Variants in ANKRD30B observed in about 807,000 individuals in gnomAD.
The protein encoded by ANKRD30B is ankyrin repeat domain 30B.
ANKRD30B carries 144 observed loss-of-function variants against 202.2 expected under a neutral mutation model. The ratio of observed to expected loss-of-function variants is 0.71; its 90% CI spans 0.62 to 0.82. The LOEUF is 0.82. ANKRD30B is among the 40% of genes least tolerant of loss of function. The probability of loss-of-function intolerance (pLI) is 0.00; values close to 1 mark genes in which losing one functional copy is unlikely to be tolerated. For synonymous variants in ANKRD30B, 508 were observed against 561.3 expected, an observed-to-expected ratio of 0.91 and a Z score of 1.34; for missense variants, 1,487 against 1,669.1, an observed-to-expected ratio of 0.89 and a Z score of 1.90.
chr18:14,818,692 C>T, intron 30 of ANKRD30B, among the ~76,000 whole-genome samples: 1 of 151,894 alleles, frequency 6.6e-6, no homozygotes, highest in Non-Finnish European at 1.5e-5. Flanking sequence ...GACATGAACT[C>T]ATCATTTTTT....
At chr18:14,932,627 C>T in the ANKRD30B span, among the ~76,000 whole-genome samples, 9 of 152,114 alleles carry the variant, frequency 5.9e-5, no homozygotes, top group Admixed American at 3.3e-4. Context: ...CATGAGCCAC[C>T]GCGCCGGCCT....
At position 14,797,857 on chromosome 18, in the gene ANKRD30B, A is replaced by C. The variant is rs1324057802; in HGVS notation, c.2029+3A>C. On this transcript the variant is annotated splice_donor_region_variant and intron_variant, in intron 20 of 43. Coordinates refer to ENST00000690538, the MANE Select transcript of ANKRD30B (RefSeq NM_001367607.2). Reference sequence around the variant, plus strand: ...GGACAGAGAAACACTCAAAGCAGGTACATTTTGTAATTTAAATTTTAATCT... The same window carrying C: ...GGACAGAGAAACACTCAAAGCAGGTCCATTTTGTAATTTAAATTTTAATCT... 6.5e-7 allele frequency: 1 copy of C among 1,541,918 alleles called. No individual in the cohort carries two copies. Among genetic ancestry groups the C allele is most frequent in the Non-Finnish European group, 8.7e-7 (1 of 1,143,852 alleles).
intron 16 of ANKRD30B, among the ~76,000 whole-genome samples, chr18:14,793,430 G>C (rs1211665169): frequency 2.6e-5 from 4 of 152,054 alleles, no homozygotes; most frequent in Non-Finnish European, 5.9e-5. Flanking sequence ...TTTTCTCAGT[G>C]TCATGATTTG....
intron 39 of ANKRD30B, among the ~76,000 whole-genome samples, chr18:14,847,990 T>G (rs896453779): frequency 6.6e-6 from 1 of 152,114 alleles, no homozygotes; most frequent in Admixed American, 6.6e-5. Context: ...TCTTCAGTGT[T>G]CTGTTCTATA....
Position 14,828,301 on chromosome 18 carries a change from A to G in ANKRD30B, c.2767A>G (p.Thr923Ala), listed in dbSNP as rs1970748897. 9 of 1,533,444 alleles carry G rather than the reference A, an allele frequency of 5.9e-6. No individual in the cohort carries two copies. Among genetic ancestry groups the G allele is most frequent in the African/African-American group, 1.4e-5 (1 of 71,818 alleles). The allele number at this position is 1,533,444 out of a possible 1,614,324, so 95.0% of individuals were successfully genotyped here. A position where few individuals can be genotyped will look rare whatever the true frequency, so the allele number is the denominator to read the frequency against. ...AGAGGATGTGAGTTCTGTAGAGTCC[A>G]CATTCAGGTAAGACTTTGCGGTTTT... ...KAEDVSSVES[T>A]FSLFGKPTTE... The change falls in exon 33 of 44, where the codon ACA becomes GCA. Residue 923 changes from threonine to alanine, a missense_variant. Around this residue, in one of 6 missense-constraint regions of ANKRD30B, gnomAD observed 218 missense variants for 320.1 expected, o/e 0.68. Transcript: ENST00000690538.
At chr18:14,756,412 G>C (rs948938815) in intron 4 of ANKRD30B, among the ~76,000 whole-genome samples, 8 of 152,110 alleles carry the variant, frequency 5.3e-5, no homozygotes. Context: ...AGTTTAATTA[G>C]ATCCCATTTG....
chr18:14,900,414 T>C, the ANKRD30B span, among the ~76,000 whole-genome samples: 1 of 152,180 alleles, frequency 6.6e-6, no homozygotes, highest in East Asian at 1.9e-4. Context: ...GTTTTGATTC[T>C]GGCCCTTTTC....
the ANKRD30B span, among the ~76,000 whole-genome samples, chr18:14,930,992 AGAT>A: frequency 6.6e-6 from 1 of 152,224 alleles, no homozygotes; most frequent in African/African-American, 2.4e-5. Flanking sequence ...CTACCACAGA[AGAT>A]GATGATTTAG....
In ANKRD30B at chr18:14,805,616, C is replaced by T. The variant is rs1441257892; in HGVS notation, c.2284+1792C>T. ...ATCTACATTCAGCTGAACTCTCATC[C>T]GAACTGTGTACTTTCTCAATGACAG... On this transcript the variant is annotated intron_variant, in intron 24 of 43. Coordinates refer to ENST00000690538, the MANE Select transcript of ANKRD30B (RefSeq NM_001367607.2). 2.0e-5 allele frequency among the ~76,000 whole-genome samples: 3 copies of T among 150,658 alleles called. 1 individual carries two copies. The highest frequency in any genetic ancestry group is 7.3e-5 in the African/African-American group (3 of 40,828).
At chr18:14,912,704 C>T in the ANKRD30B span, among the ~76,000 whole-genome samples, 7 of 152,286 alleles carry the variant, frequency 4.6e-5, no homozygotes, top group East Asian at 1.2e-3. Context: ...ATTAGTTCTT[C>T]GTGTGTTTGG....
the ANKRD30B span, among the ~76,000 whole-genome samples, chr18:14,895,664 T>G: frequency 3.9e-5 from 6 of 152,304 alleles, no homozygotes; most frequent in East Asian, 9.7e-4. Context: ...ATGGTACACG[T>G]ATACATTGGA....
intron 40 of ANKRD30B, among the ~76,000 whole-genome samples, chr18:14,849,275 T>G (rs1465111487): frequency 2.0e-5 from 3 of 151,886 alleles, no homozygotes; most frequent in African/African-American, 7.2e-5. Flanking sequence ...AATTATTGAC[T>G]TGGAATAAAT....
At chr18:14,882,227 AC>A in the ANKRD30B span, among the ~76,000 whole-genome samples, 1 of 151,992 alleles carries the variant, frequency 6.6e-6, no homozygotes, top group South Asian at 2.1e-4. Flanking sequence ...GCTCTTTCAG[AC>A]TTTTTGACAT....
At chr18:14,907,596 G>A in the ANKRD30B span, among the ~76,000 whole-genome samples, 1 of 152,208 alleles carries the variant, frequency 6.6e-6, no homozygotes, top group African/African-American at 2.4e-5. Flanking sequence ...GTCAGACTTT[G>A]ACAAAGATGC....
At chr18:14,773,213 A>C (rs1967126352) in intron 9 of ANKRD30B, among the ~76,000 whole-genome samples, 1 of 152,172 alleles carries the variant, frequency 6.6e-6, no homozygotes, top group East Asian at 1.9e-4. Context: ...CTTTGATCAC[A>C]TTTGAAAATC....
the ANKRD30B span, among the ~76,000 whole-genome samples, chr18:14,923,395 GA>G: frequency 1.3e-5 from 2 of 152,312 alleles, no homozygotes; most frequent in South Asian, 4.1e-4. Context: ...CTGTGGTGGT[GA>G]CCATGAGGAG....
chr18:14,855,855 GTCGC>G (rs1972085657), downstream of ANKRD30B, among the ~76,000 whole-genome samples: 2 of 118,716 alleles, frequency 1.7e-5, no homozygotes, highest in Non-Finnish European at 3.6e-5. Flanking sequence ...CCTCCCAGAC[GTCGC>G]GGCCAGGCAG....
the ANKRD30B span, among the ~76,000 whole-genome samples, chr18:14,902,675 T>TCCTCAGC: frequency 6.6e-6 from 1 of 152,142 alleles, no homozygotes; most frequent in African/African-American, 2.4e-5. Context: ...ATCCTTTAGT[T>TCCTCAGC]CCTCAGCCGT....
chr18:14,844,615 G>A (rs1393366238), intron 39 of ANKRD30B, among the ~76,000 whole-genome samples: 4 of 152,204 alleles, frequency 2.6e-5, no homozygotes, highest in Non-Finnish European at 4.4e-5. Flanking sequence ...GGGATCGCTG[G>A]ATCAAATGGT....
Sources: allele counts gnomAD v4.1 joint callset (sites outside exome capture counted in the v4.1 genomes callset), GRCh38; gene constraint gnomAD v4.1.1; regional missense constraint gnomAD v4.1.1; transcripts MANE v1.5; gene names NCBI Gene and HGNC (gene_info 2026-07-23, HGNC 2026-07-21).